MEGF10: variants seen among roughly 807,000 people sequenced by gnomAD.
The protein encoded by MEGF10 is multiple EGF like domains 10, also known as multiple epidermal growth factor-like domains protein 10.
MEGF10 carries 86 observed loss-of-function variants against 147.5 expected under a neutral mutation model. That is an observed-to-expected ratio of 0.58 (90% CI 0.49 to 0.70). The LOEUF (loss-of-function observed/expected upper bound fraction) is 0.70. Ranked by LOEUF, MEGF10 falls within the 30% of genes least tolerant of loss-of-function variation. MEGF10 has a pLI of 0.00. For missense variants in MEGF10, 1,329 were observed against 1,487.3 expected (o/e 0.89, Z 1.75); for synonymous variants, 478 against 525.5 (o/e 0.91, Z 1.24).
chr5:127,435,290 CTG>C, intron 15 of MEGF10, 69 bp from the exon 16 acceptor site: 1 of 1,575,004 alleles, frequency 6.3e-7, no homozygotes, highest in Non-Finnish European at 8.6e-7. Flanking sequence ...AAGTTATTTC[CTG>C]TGCTAAGATT....
chr5:127,287,640 T>A (rs1004562148), upstream of MEGF10, among the ~76,000 whole-genome samples: 3 of 152,052 alleles, frequency 2.0e-5, no homozygotes, highest in African/African-American at 7.2e-5. Flanking sequence ...TCGATATTTT[T>A]ATGTCAGTTC....
chr5:127,458,539 ACTTAT>A lies in MEGF10; in HGVS notation c.*1225_*1229del, dbSNP rs1255379247. On this transcript the variant is annotated 3_prime_UTR_variant, in exon 25 of 25. Coordinates refer to ENST00000503335, the MANE Select transcript of MEGF10 (RefSeq NM_001256545.2). ...GTTCGTTATTCCTTGTATTATTGCC[ACTTAT>A]CTTTTGCTTGATAAAAATGCGTTGT... 6.6e-6 allele frequency: 1 copy of A among 152,136 alleles called. No individual in the cohort carries two copies. The highest frequency in any genetic ancestry group is 6.6e-5 in the Admixed American group (1 of 15,266). The allele number at this position is 152,136 out of a possible 1,614,324, so 9.4% of individuals were successfully genotyped here.
intron 1 of MEGF10, among the ~76,000 whole-genome samples, chr5:127,294,319 A>G (rs941773003): frequency 2.6e-5 from 4 of 152,214 alleles, no homozygotes; most frequent in African/African-American, 9.6e-5. Flanking sequence ...CTCTTATACA[A>G]GTGGCTGGCC....
intron 12 of MEGF10, among the ~76,000 whole-genome samples, chr5:127,420,860 A>G (rs1764971500): frequency 6.6e-6 from 1 of 151,826 alleles, no homozygotes; most frequent in South Asian, 2.1e-4. Flanking sequence ...CTTTCTTTCT[A>G]TAGCAATTAT....
chr5:127,377,049 T>C (rs1763058418), intron 5 of MEGF10, among the ~76,000 whole-genome samples: 1 of 152,200 alleles, frequency 6.6e-6, no homozygotes, highest in Non-Finnish European at 1.5e-5. Context: ...CCATTAATAC[T>C]AGAGATGATG....
At chr5:127,401,103 T>G (rs904246094) in intron 7 of MEGF10, among the ~76,000 whole-genome samples, 2 of 152,194 alleles carry the variant, frequency 1.3e-5, no homozygotes, top group Non-Finnish European at 2.9e-5. Context: ...TGTGGGTAGT[T>G]AAGTCAGGCC....
chr5:127,390,154 T>G (rs1245905410), intron 5 of MEGF10, among the ~76,000 whole-genome samples: 1 of 152,228 alleles, frequency 6.6e-6, no homozygotes, highest in Non-Finnish European at 1.5e-5. Context: ...GCTCTGTCTC[T>G]CTTTCTCATT....
chr5:127,411,160 A>G (rs1458696344), intron 9 of MEGF10, among the ~76,000 whole-genome samples: 1 of 152,204 alleles, frequency 6.6e-6, no homozygotes, highest in African/African-American at 2.4e-5. Flanking sequence ...AGGGACTTTT[A>G]GCTCAAAAAC....
Position 127,394,942 on chromosome 5 carries a change from A to C in MEGF10, c.413-1590A>C, listed in dbSNP as rs186392074. On this transcript the variant is annotated intron_variant, in intron 5 of 24. Transcript: ENST00000503335. Reference sequence around the variant, plus strand: ...TAAACCTTTTGATATTATGAAATCCAAGGTAGAGTCTAATATTGGAAGACG... The same window carrying C: ...TAAACCTTTTGATATTATGAAATCCCAGGTAGAGTCTAATATTGGAAGACG... Among the ~76,000 whole-genome samples, 232 of 152,362 alleles carry C rather than the reference A, an allele frequency of 1.5e-3. 3 individuals carry two copies. The highest frequency in any genetic ancestry group is 3.4e-3 in the Middle Eastern group (1 of 294).
chr5:127,411,550 C>CTGTG (rs141746321), intron 9 of MEGF10, among the ~76,000 whole-genome samples: 43 of 149,578 alleles, frequency 2.9e-4, no homozygotes, highest in African/African-American at 9.0e-4. Context: ...AGTTTGCACT[C>CTGTG]TGTGTGTGTG....
At chr5:127,274,570 TTTTAAA>T in the MEGF10 span, among the ~76,000 whole-genome samples, 3 of 152,116 alleles carry the variant, frequency 2.0e-5, no homozygotes, top group African/African-American at 7.2e-5. Context: ...TATTATATTA[TTTTAAA>T]TTTTGATATA....
Position 127,440,602 on chromosome 5 carries a change from C to G in MEGF10, c.2234-137C>G, listed in dbSNP as rs367886684. The G allele has an allele frequency of 1.4e-5, 12 of 852,666 alleles. No homozygotes were observed. In the African/African-American group the frequency reaches 1.5e-4, roughly 11 times the overall value. 52.8% of individuals were successfully genotyped at this position (852,666 alleles called of 1,614,324 possible). A position where few individuals can be genotyped will look rare whatever the true frequency, so the allele number is the denominator to read the frequency against. ...TTCAAAGAAGCTCTTGTGGCAAGCT[C>G]AGATATGTACTATTCACTGTATTCT... On this transcript the variant is annotated intron_variant, in intron 17 of 24. Coordinates refer to ENST00000503335, the MANE Select transcript of MEGF10 (RefSeq NM_001256545.2).
At position 127,349,746 on chromosome 5, in the gene MEGF10, C is replaced by T. The variant is rs373476051; in HGVS notation, c.319+9116C>T. 1.6e-4 allele frequency among the ~76,000 whole-genome samples: 24 copies of T among 151,300 alleles called. 1 individual carries two copies. Among genetic ancestry groups the T allele is most frequent in the African/African-American group, 5.8e-4 (24 of 41,216 alleles). On this transcript the variant is annotated intron_variant, in intron 4 of 24. Coordinates refer to ENST00000503335, the MANE Select transcript of MEGF10 (RefSeq NM_001256545.2). Reference sequence around the variant, plus strand: ...TCTGAAGATTTTAAATATCAGAGAACATGGTCCTTGACTACTACCTTGATG... The same window carrying T: ...TCTGAAGATTTTAAATATCAGAGAATATGGTCCTTGACTACTACCTTGATG...
At chr5:127,359,058 GT>G (rs75925894) in intron 4 of MEGF10, among the ~76,000 whole-genome samples, 60 of 141,980 alleles carry the variant, frequency 4.2e-4, no homozygotes, top group East Asian at 1.0e-3. Context: ...AAGCTGTTTT[GT>G]TTTTTTTTTT....
chr5:127,356,126 C>T (rs1044509291), intron 4 of MEGF10, among the ~76,000 whole-genome samples: 1 of 152,162 alleles, frequency 6.6e-6, no homozygotes. Context: ...ATGGAAAAAA[C>T]ACAGTTTGAT....
chr5:127,363,648 A>G (rs922321076), intron 4 of MEGF10, among the ~76,000 whole-genome samples: 9 of 152,228 alleles, frequency 5.9e-5, no homozygotes, highest in African/African-American at 2.2e-4. Context: ...AAGGTTAGAC[A>G]TTGGGTGTAC....
intron 8 of MEGF10, among the ~76,000 whole-genome samples, chr5:127,404,546 G>A (rs1294848814): frequency 6.6e-6 from 1 of 152,082 alleles, no homozygotes; most frequent in East Asian, 1.9e-4. Flanking sequence ...TTTTTAACAT[G>A]ATGTGTGCAT....
chr5:127,301,081 G>A (rs1759744896), intron 1 of MEGF10, among the ~76,000 whole-genome samples: 1 of 152,142 alleles, frequency 6.6e-6, no homozygotes, highest in Admixed American at 6.6e-5. Flanking sequence ...GGAATGCTTT[G>A]TTTCCCTCCG....
intron 22 of MEGF10, among the ~76,000 whole-genome samples, chr5:127,449,531 G>A (rs189365917): frequency 7.9e-5 from 12 of 152,086 alleles, no homozygotes; most frequent in African/African-American, 2.9e-4. Flanking sequence ...CTAATAGGTG[G>A]GTACTATTGT....
Sources: gnomAD v4.1 joint callset for allele counts (sites outside exome capture counted in the v4.1 genomes callset) on GRCh38, gnomAD v4.1.1 for gene constraint, MANE v1.5 for transcripts, NCBI Gene and HGNC (gene_info 2026-07-23, HGNC 2026-07-21) for gene names.